Variants in GMCL1 observed in about 807,000 individuals in gnomAD.
GMCL1 encodes germ cell-less 1, spermatogenesis associated.
A neutral mutation model predicts 75.5 loss-of-function variants in GMCL1; 54 were observed. That is an observed-to-expected ratio of 0.71 (90% CI 0.57 to 0.90). GMCL1 has a LOEUF of 0.90. Ranked by LOEUF, GMCL1 falls within the 40% of genes least tolerant of loss-of-function variation. GMCL1 has a pLI of 0.00. For missense variants in GMCL1, 537 were observed against 622.7 expected, an observed-to-expected ratio of 0.86 and a Z score of 1.47; for synonymous variants, 210 against 209.6, an observed-to-expected ratio of 1.00 and a Z score of -0.02.
At chr2:69,850,973 T>C (rs554048692) in intron 8 of GMCL1, among the ~76,000 whole-genome samples, 1 of 152,350 alleles carries the variant, frequency 6.6e-6, no homozygotes, top group South Asian at 2.1e-4. Context: ...TTATTAGCCA[T>C]ATGTTTCCTC....
intron 4 of GMCL1, 181 bp from the exon 5 acceptor site, chr2:69,842,968 T>A (rs1675026080): frequency 2.6e-6 from 1 of 382,796 alleles, no homozygotes. Context: ...TGAACTTTTT[T>A]CAGTATTTTT....
chr2:69,844,172 A>C lies in GMCL1; in HGVS notation c.734A>C (p.Asn245Thr). The change falls in exon 6 of 14, where the codon AAT becomes ACT. Residue 245 changes from asparagine to threonine, a missense_variant. Coordinates refer to ENST00000282570, the MANE Select transcript of GMCL1 (RefSeq NM_178439.5). The stretch of plus-strand genomic sequence containing the variant: ...CTAAACAATTTGATGACTCACCAGA[A>C]TGTTGAACTTTTTAAAGAACTCAGG... ...WLLNNLMTHQ[N>T]VELFKELSIN... 6.4e-7 allele frequency: 1 copy of C among 1,573,490 alleles called. No homozygotes were observed. Among genetic ancestry groups the C allele is most frequent in the Admixed American group, 1.8e-5 (1 of 54,432 alleles).
At chr2:69,857,232 C>A (rs1675498000) in intron 9 of GMCL1, among the ~76,000 whole-genome samples, 1 of 152,166 alleles carries the variant, frequency 6.6e-6, no homozygotes, top group South Asian at 2.1e-4. Context: ...CATGATAGAT[C>A]ATGTTAGGTC....
At chr2:69,867,520 A>G (rs1382905782) in intron 11 of GMCL1, among the ~76,000 whole-genome samples, 1 of 152,114 alleles carries the variant, frequency 6.6e-6, no homozygotes, top group Non-Finnish European at 1.5e-5. Context: ...TGGATATACA[A>G]TACATTGTTT....
intron 9 of GMCL1, among the ~76,000 whole-genome samples, chr2:69,859,546 G>A (rs1233047682): frequency 6.6e-6 from 1 of 151,632 alleles, no homozygotes; most frequent in East Asian, 1.9e-4. Context: ...CACTTTAGGT[G>A]GCCGAAGCAG....
At chr2:69,841,138 T>C in intron 4 of GMCL1, 99 bp downstream of exon 4, 1 of 741,304 alleles carries the variant, frequency 1.3e-6, no homozygotes, top group Non-Finnish European at 2.2e-6. Flanking sequence ...TTTTTGGAGT[T>C]TTTAAATAAA....
At chr2:69,875,149 A>G (rs967730291) in intron 13 of GMCL1, among the ~76,000 whole-genome samples, 2 of 152,128 alleles carry the variant, frequency 1.3e-5, no homozygotes, top group Non-Finnish European at 2.9e-5. Flanking sequence ...CCATCTTACT[A>G]GGATTATATA....
intron 1 of GMCL1, among the ~76,000 whole-genome samples, chr2:69,831,560 G>A (rs1025296993): frequency 6.6e-6 from 1 of 150,768 alleles, no homozygotes; most frequent in Non-Finnish European, 1.5e-5. Flanking sequence ...GCCTGACCCT[G>A]TAACCTTTTT....
chr2:69,834,842 A>C (rs961524419), intron 1 of GMCL1, among the ~76,000 whole-genome samples: 3 of 152,006 alleles, frequency 2.0e-5, no homozygotes, highest in Non-Finnish European at 4.4e-5. Context: ...ATGCCTCTTA[A>C]CTGGATTTTG....
At chr2:69,843,964 C>T (rs1573348161) in intron 5 of GMCL1, among the ~76,000 whole-genome samples, 167 bp from the exon 6 acceptor site, 4 of 149,712 alleles carry the variant, frequency 2.7e-5, no homozygotes, top group South Asian at 2.1e-4. Flanking sequence ...GAAATATTCT[C>T]TTAATAATAT....
rs140147818 is a variant in GMCL1, at chr2:69,852,025, G to A, written c.934+2283G>A. On this transcript the variant is annotated intron_variant, in intron 8 of 13. Transcript: ENST00000282570. ...AAATTATACTTTTGTGTTACGTTAT[G>A]GCAATTAAAGAAGGACTAGGGAAAT... is the stretch of plus-strand genomic sequence containing the variant. Among the ~76,000 whole-genome samples, 347 of 152,142 alleles carry A rather than the reference G, an allele frequency of 2.3e-3. 1 individual carries two copies. Among genetic ancestry groups the A allele is most frequent in the African/African-American group, 8.1e-3 (335 of 41,498 alleles).
chr2:69,840,906 ATAT>A (rs1239508061), intron 3 of GMCL1, 33 bp from the exon 4 acceptor site: 3 of 1,397,244 alleles, frequency 2.1e-6, no homozygotes, highest in South Asian at 2.4e-5. Flanking sequence ...ATAGATATAA[ATAT>A]TATTTCATCC....
chr2:69,857,835 GGA>G (rs1189287810), intron 9 of GMCL1, among the ~76,000 whole-genome samples: 1 of 152,066 alleles, frequency 6.6e-6, no homozygotes, highest in African/African-American at 2.4e-5. Flanking sequence ...AGTTTTAAGT[GGA>G]TTCATGTTAG....
chr2:69,880,031 C>T lies in GMCL1; in HGVS notation c.*1027C>T, dbSNP rs566701422. 1 of 152,080 alleles carries T rather than the reference C, an allele frequency of 6.6e-6. No individual in the cohort carries two copies. Among genetic ancestry groups the T allele is most frequent in the African/African-American group, 2.4e-5 (1 of 41,430 alleles). 9.4% of individuals were successfully genotyped at this position (152,080 alleles called of 1,614,324 possible). Reference sequence around the variant, plus strand: ...TGTAATATGGAGCCTGATGATGAAGCATTAATGTAAAAATGGAACTTATTT... The same window carrying T: ...TGTAATATGGAGCCTGATGATGAAGTATTAATGTAAAAATGGAACTTATTT... On this transcript the variant is annotated 3_prime_UTR_variant, in exon 14 of 14. Coordinates refer to ENST00000282570, the MANE Select transcript of GMCL1 (RefSeq NM_178439.5).
chr2:69,872,121 A>C (rs1168008444), intron 13 of GMCL1, among the ~76,000 whole-genome samples: 2 of 152,216 alleles, frequency 1.3e-5, no homozygotes, highest in African/African-American at 4.8e-5. Context: ...ACTAAAATTC[A>C]TTCCTAAAAT....
chr2:69,879,193 C>T lies in GMCL1; in HGVS notation c.*189C>T, dbSNP rs1676211072. On this transcript the variant is annotated 3_prime_UTR_variant, in exon 14 of 14. Coordinates refer to ENST00000282570, the MANE Select transcript of GMCL1 (RefSeq NM_178439.5). ...CAGAAGATTATTCTTATCCTCATTG[C>T]ATTTCTATGCATATGCGTAAGAACA... The T allele has an allele frequency of 1.8e-5, 8 of 452,474 alleles. No individual in the cohort carries two copies. Among genetic ancestry groups the T allele is most frequent in the South Asian group, 1.5e-4 (4 of 27,146 alleles). The allele number at this position is 452,474 out of a possible 1,614,324, so 28.0% of individuals were successfully genotyped here. A position where few individuals can be genotyped will look rare whatever the true frequency, so the allele number is the denominator to read the frequency against.
In GMCL1 at chr2:69,829,933, C is replaced by G; in HGVS notation, c.41C>G (p.Pro14Arg). The change falls in exon 1 of 14, where the codon CCA becomes CGA. Residue 14 changes from proline (P) to arginine (R), a missense_variant. Physicochemically the swap from Pro to Arg is moderately radical, Grantham distance 103. This residue lies in a region of GMCL1 where 144 missense variants were observed against 127.2 expected (regional missense o/e 1.13). Coordinates refer to ENST00000282570, the MANE Select transcript of GMCL1 (RefSeq NM_178439.5). ...AGCCGGGTGCTGCGCCAGCCAAGAC[C>G]AGCCCTTGCCCAGCAGGCGCAGGGT... ...LSSRVLRQPR[P>R]ALAQQAQGAR... is the part of the protein sequence containing the mutation. 1 of 1,604,380 alleles carries G rather than the reference C, an allele frequency of 6.2e-7. No homozygotes were observed.
At chr2:69,839,632 C>T in intron 3 of GMCL1, 79 bp downstream of exon 3, 1 of 951,316 alleles carries the variant, frequency 1.1e-6, no homozygotes, top group Non-Finnish European at 1.7e-6. Flanking sequence ...TAAATAATTC[C>T]TTCCAGCCTT....
intron 11 of GMCL1, among the ~76,000 whole-genome samples, chr2:69,869,045 G>A (rs1418719863): frequency 1.3e-5 from 2 of 151,690 alleles, no homozygotes; most frequent in East Asian, 3.9e-4. Context: ...CTGAGGTCGG[G>A]AGTTCGAGAC....
Sources: gnomAD v4.1 joint callset for allele counts (sites outside exome capture counted in the v4.1 genomes callset) on GRCh38, gnomAD v4.1.1 for gene constraint, gnomAD v4.1.1 regional missense constraint, MANE v1.5 for transcripts, NCBI Gene and HGNC (gene_info 2026-07-23, HGNC 2026-07-21) for gene names.